DHX36: variants seen among roughly 807,000 people sequenced by gnomAD.
DHX36 encodes DEAH-box helicase 36, also known as ATP-dependent DNA/RNA helicase DHX36.
Under a neutral mutation model 139.0 loss-of-function variants are expected in DHX36, and 50 were observed. The observed-to-expected ratio is 0.36, with a 90% CI of 0.29 to 0.46. DHX36 has a LOEUF of 0.46. DHX36 is among the 20% of genes least tolerant of loss of function. DHX36 has a pLI of 1.00. For synonymous variants in DHX36, 425 were observed against 401.9 expected, an observed-to-expected ratio of 1.06 and a Z score of -0.69; for missense variants, 1,024 against 1,211.3, an observed-to-expected ratio of 0.85 and a Z score of 2.29.
At chr3:154,316,805 A>G (rs963012053) in intron 1 of DHX36, among the ~76,000 whole-genome samples, 2 of 151,394 alleles carry the variant, frequency 1.3e-5, no homozygotes, top group African/African-American at 4.8e-5. Context: ...CCAAGGTGAA[A>G]AAAAAAAAAA....
At chr3:154,302,293 C>T (rs115437560) in intron 9 of DHX36, among the ~76,000 whole-genome samples, 181 of 152,298 alleles carry the variant, frequency 1.2e-3, no homozygotes, top group African/African-American at 4.0e-3. Context: ...AACTTGGTTA[C>T]TCACTGTGTA....
chr3:154,312,537 CCCT>C, intron 3 of DHX36, among the ~76,000 whole-genome samples: 3 of 151,574 alleles, frequency 2.0e-5, no homozygotes, highest in African/African-American at 7.3e-5. Flanking sequence ...TTAATAAACA[CCCT>C]TTATTAAGAT....
rs1306182983 is a variant in DHX36, at chr3:154,273,806, T to C, written c.*2365A>G. ...GATACTATTAACTCTTTCGGTTTCC[T>C]TGCATTTATTGGAAGGCACATTAAA... On this transcript the variant is annotated 3_prime_UTR_variant, in exon 25 of 25. Coordinates refer to ENST00000496811, the MANE Select transcript of DHX36 (RefSeq NM_020865.3). 1 of 152,246 alleles carries C rather than the reference T, an allele frequency of 6.6e-6. No individual in the cohort carries two copies. The highest frequency in any genetic ancestry group is 1.5e-5 in the Non-Finnish European group (1 of 68,040). 9.4% of individuals were successfully genotyped at this position (152,246 alleles called of 1,614,324 possible). A position where few individuals can be genotyped will look rare whatever the true frequency, so the allele number is the denominator to read the frequency against.
Position 154,316,127 on chromosome 3 carries a change from GTTC to G in DHX36, c.277_279del (p.Glu93del). On this transcript the variant is annotated inframe_deletion, in exon 2 of 25. Coordinates refer to ENST00000496811, the MANE Select transcript of DHX36 (RefSeq NM_020865.3). ...ACAGAATTCAGTAACTGTACAATTTGTTCTTCTCGTCGTTCATCCATGTGTACT... is the reference window on the plus strand; with the variant it reads ...ACAGAATTCAGTAACTGTACAATTTGTTCTCGTCGTTCATCCATGTGTACT... 2.5e-6 allele frequency: 4 copies of G among 1,613,208 alleles called. No homozygotes were observed. Among genetic ancestry groups the G allele is most frequent in the Non-Finnish European group, 3.4e-6 (4 of 1,179,486 alleles).
At position 154,300,991 on chromosome 3, in the gene DHX36, T is replaced by C. The variant is rs191495075; in HGVS notation, c.1354A>G (p.Arg452Gly). The change falls in exon 10 of 25, where the codon AGA becomes GGA. Residue 452 changes from arginine (R) to glycine (G), a missense_variant. Around this residue, in one of 4 missense-constraint regions of DHX36, gnomAD observed 115 missense variants for 105.6 expected, o/e 1.09. Transcript: ENST00000496811. Reference protein sequence around the residue: ...RWPDYVRELRRRYSASTVDVI... With the variant: ...RWPDYVRELRGRYSASTVDVI... ...CTTCAGACAAAATAAACTTACCTTC[T>C]TCGCAGTTCCCTTACATAATCTGGC... 47 of 1,609,716 alleles carry C rather than the reference T, an allele frequency of 2.9e-5. No homozygotes were observed. The highest frequency in any genetic ancestry group is 2.4e-4 in the African/African-American group (18 of 74,690).
chr3:154,278,192 A>C (rs1186512809), intron 22 of DHX36, among the ~76,000 whole-genome samples: 1 of 152,120 alleles, frequency 6.6e-6, no homozygotes, highest in East Asian at 1.9e-4. Flanking sequence ...CAACTTAAAA[A>C]TTTTACAGAG....
intron 5 of DHX36, among the ~76,000 whole-genome samples, chr3:154,307,570 A>G (rs1324934237): frequency 6.6e-6 from 1 of 152,190 alleles, no homozygotes; most frequent in Non-Finnish European, 1.5e-5. Context: ...ATGAGATATC[A>G]TCTTACCCCA....
At chr3:154,281,610 T>G (rs912294797) in intron 20 of DHX36, among the ~76,000 whole-genome samples, 1 of 152,094 alleles carries the variant, frequency 6.6e-6, no homozygotes, top group Non-Finnish European at 1.5e-5. Context: ...AATGACCAGA[T>G]GAATCTTGTA....
At chr3:154,276,492 A>T in intron 24 of DHX36, 136 bp from the exon 25 acceptor site, 2 of 880,648 alleles carry the variant, frequency 2.3e-6, no homozygotes, top group Non-Finnish European at 1.7e-6. Context: ...GTGAGCAATC[A>T]ACTAAAGTGT....
At position 154,283,368 on chromosome 3, in the gene DHX36, T is replaced by C. The variant is rs988894219; in HGVS notation, c.2293-97A>G. ...CTTTAGTAAAAGCTTAATATTCTAC[T>C]AATATTTAATTTTCTTTGTAAAAAA... is the stretch of plus-strand genomic sequence containing the variant. On this transcript the variant is annotated intron_variant, in intron 19 of 24. Transcript: ENST00000496811. 3 of 767,746 alleles carry C rather than the reference T, an allele frequency of 3.9e-6. No individual in the cohort carries two copies. In the Admixed American group the frequency reaches 7.6e-5, roughly 19 times the overall value. The allele number at this position is 767,746 out of a possible 1,614,324, so 47.6% of individuals were successfully genotyped here. A position where few individuals can be genotyped will look rare whatever the true frequency, so the allele number is the denominator to read the frequency against.
Position 154,314,289 on chromosome 3 carries a change from G to A in DHX36, c.603+757C>T, listed in dbSNP as rs183558047. Among the ~76,000 whole-genome samples, 633 of 152,342 alleles carry A rather than the reference G, an allele frequency of 4.2e-3. 4 individuals carry two copies. Among genetic ancestry groups the A allele is most frequent in the African/African-American group, 0.015 (607 of 41,576 alleles). On this transcript the variant is annotated intron_variant, in intron 3 of 24. Coordinates refer to ENST00000496811, the MANE Select transcript of DHX36 (RefSeq NM_020865.3). Reference sequence around the variant, plus strand: ...GGAAATCCAACTGTCATCAGTAACAGTCAATGGATCCTTTCTTTCCTATTA... The same window carrying A: ...GGAAATCCAACTGTCATCAGTAACAATCAATGGATCCTTTCTTTCCTATTA...
rs1711873804 is a variant in DHX36, at chr3:154,292,730, C to CTAAA, written c.1671-37_1671-36insTTTA. The CTAAA allele has an allele frequency of 1.3e-5, 4 of 311,400 alleles. No homozygotes were observed. The South Asian group carries it at 3.1e-4, about 24-fold the overall frequency. The allele number at this position is 311,400 out of a possible 1,614,324, so 19.3% of individuals were successfully genotyped here. A position where few individuals can be genotyped will look rare whatever the true frequency, so the allele number is the denominator to read the frequency against. Reference sequence around the variant, plus strand: ...AACAGATATATAAAATGTTAAAACACACACACACACACACACACACACACA... The same window carrying CTAAA: ...AACAGATATATAAAATGTTAAAACACTAAAACACACACACACACACACACACACA... On this transcript the variant is annotated intron_variant, in intron 14 of 24. Coordinates refer to ENST00000496811, the MANE Select transcript of DHX36 (RefSeq NM_020865.3).
intron 20 of DHX36, among the ~76,000 whole-genome samples, chr3:154,282,072 C>T (rs989723552): frequency 1.3e-5 from 2 of 152,104 alleles, no homozygotes; most frequent in Admixed American, 6.5e-5. Flanking sequence ...CATTCTCAAA[C>T]ACTTGGATTC....
At chr3:154,287,733 G>A (rs995723021) in intron 17 of DHX36, among the ~76,000 whole-genome samples, 2 of 151,962 alleles carry the variant, frequency 1.3e-5, no homozygotes, top group Non-Finnish European at 2.9e-5. Context: ...AAACAGATAT[G>A]CAATATACAA....
intron 22 of DHX36, 81 bp downstream of exon 22, chr3:154,280,498 A>C: frequency 1.0e-6 from 1 of 1,000,594 alleles, no homozygotes; most frequent in Non-Finnish European, 1.5e-6. Context: ...CAAATTTATA[A>C]TATAAGCCTT....
At chr3:154,287,452 C>T (rs761073857) in intron 17 of DHX36, among the ~76,000 whole-genome samples, 3 of 151,952 alleles carry the variant, frequency 2.0e-5, no homozygotes, top group Admixed American at 6.6e-5. Context: ...GTCAGGAGTT[C>T]CAGACCAGCC....
intron 22 of DHX36, chr3:154,278,782 T>C (rs955737702): frequency 1.3e-5 from 2 of 152,024 alleles, no homozygotes; most frequent in African/African-American, 4.8e-5. Flanking sequence ...ACCCGGCCAC[T>C]TCTGAAGTTC....
chr3:154,275,541 C>T lies in DHX36; in HGVS notation c.*630G>A, dbSNP rs1053366188. Reference sequence around the variant, plus strand: ...GAACTGAGGTAATCAGGCTCCAGACCGTGCTCTCAATTGCTGTATTATGAG... The same window carrying T: ...GAACTGAGGTAATCAGGCTCCAGACTGTGCTCTCAATTGCTGTATTATGAG... On this transcript the variant is annotated 3_prime_UTR_variant, in exon 25 of 25. Coordinates refer to ENST00000496811, the MANE Select transcript of DHX36 (RefSeq NM_020865.3). The T allele has an allele frequency of 3.3e-5, 5 of 152,604 alleles. No individual in the cohort carries two copies. The highest frequency in any genetic ancestry group is 4.2e-4 in the South Asian group (2 of 4,808). 9.5% of individuals were successfully genotyped at this position (152,604 alleles called of 1,614,324 possible).
Position 154,273,016 on chromosome 3 carries a change from T to C in DHX36, c.*3155A>G, listed in dbSNP as rs1719041420. ...TGTGCTCACTGTTCAACGATGCTTT[T>C]GAAAGATTATTCAGTAGTTTAATTT... On this transcript the variant is annotated 3_prime_UTR_variant, in exon 25 of 25. Transcript: ENST00000496811. 1 of 152,210 alleles carries C rather than the reference T, an allele frequency of 6.6e-6. No homozygotes were observed. Among genetic ancestry groups the C allele is most frequent in the South Asian group, 2.1e-4 (1 of 4,832 alleles). 9.4% of individuals were successfully genotyped at this position (152,210 alleles called of 1,614,324 possible). A position where few individuals can be genotyped will look rare whatever the true frequency, so the allele number is the denominator to read the frequency against.
Sources: allele counts gnomAD v4.1 joint callset (sites outside exome capture counted in the v4.1 genomes callset), GRCh38; gene constraint gnomAD v4.1.1; regional missense constraint gnomAD v4.1.1; transcripts MANE v1.5; gene names NCBI Gene and HGNC (gene_info 2026-07-23, HGNC 2026-07-21).